SPRY3: variants seen among roughly 807,000 people sequenced by gnomAD.
SPRY3 encodes protein sprouty homolog 3.
A neutral mutation model predicts 20.2 loss-of-function variants in SPRY3; 15 were observed. The observed-to-expected ratio is 0.74, with a 90% CI of 0.50 to 1.14. SPRY3 has a LOEUF of 1.14. Among genes scored for constraint, SPRY3 ranks in the 50% most tolerant of loss-of-function variants. The pLI, the probability that SPRY3 is intolerant of heterozygous loss-of-function variation, is 0.00. For missense variants in SPRY3, 364 were observed against 363.9 expected (o/e 1.00, Z 0.00); for synonymous variants, 143 against 136.5 (o/e 1.05, Z -0.33).
intron 2 of SPRY3, among the ~76,000 whole-genome samples, chrX:155,758,585 G>C (rs1199533664): frequency 1.3e-5 from 2 of 152,172 alleles, no homozygotes; most frequent in Admixed American, 1.3e-4. Context: ...AAGAGCTCCT[G>C]CTGACTTCAA....
intron 1 of SPRY3, among the ~76,000 whole-genome samples, chrX:155,617,926 G>A (rs1377040866): frequency 5.4e-5 from 6 of 111,846 alleles, no homozygotes; most frequent in Non-Finnish European, 7.5e-5. Flanking sequence ...GGGAGACCTC[G>A]TGTACCCTTT....
chrX:155,648,339 G>A lies in SPRY3; in HGVS notation c.-440-8528G>A, dbSNP rs138564786. Among the ~76,000 whole-genome samples, 30 of 112,413 alleles carry A rather than the reference G, an allele frequency of 2.7e-4. No homozygotes were observed. In the East Asian group the frequency reaches 7.0e-3, roughly 26 times the overall value. On this transcript the variant is annotated intron_variant, in intron 1 of 3. Transcript: ENST00000675360. Reference sequence around the variant, plus strand: ...TTTGTCAATGTTGGCTTTTGTTACCGTTGCTTTTGGTGTTTTAGTCATGAA... The same window carrying A: ...TTTGTCAATGTTGGCTTTTGTTACCATTGCTTTTGGTGTTTTAGTCATGAA...
chrX:155,622,019 ATAGGGCCACCTC>A (rs2067872871), intron 1 of SPRY3, among the ~76,000 whole-genome samples: 1 of 106,586 alleles, frequency 9.4e-6, no homozygotes, highest in African/African-American at 3.4e-5. Flanking sequence ...TCTCTGGAGT[ATAGGGCCACCTC>A]CTGTACAGGC....
In SPRY3 at chrX:155,767,069, C is replaced by G. The variant is rs955268979; in HGVS notation, c.-281-893C>G. Among the ~76,000 whole-genome samples, 4 of 152,140 alleles carry G rather than the reference C, an allele frequency of 2.6e-5. No homozygotes were observed. In the East Asian group the frequency reaches 5.8e-4, roughly 22 times the overall value. ...CTTAAAATTGTTACTCTCCACCCCA[C>G]CCCCACGTTCCTTTAAATTTTGTTT... On this transcript the variant is annotated intron_variant, in intron 2 of 3. Coordinates refer to ENST00000675360, the Ensembl canonical transcript of SPRY3.
At chrX:155,767,769 G>GGA (rs1368103699) in intron 2 of SPRY3, 193 bp from the exon 2 acceptor site, 1 of 140,776 alleles carries the variant, frequency 7.1e-6, no homozygotes, top group Non-Finnish European at 1.5e-5. Flanking sequence ...AGGAGGAGGA[G>GGA]GAGAAAGAGG....
chrX:155,727,575 T>C (rs1305247484), intron 2 of SPRY3, among the ~76,000 whole-genome samples: 1 of 152,166 alleles, frequency 6.6e-6, no homozygotes, highest in Non-Finnish European at 1.5e-5. Context: ...TATCCTTTCT[T>C]CCACTTGATC....
chrX:155,688,735 G>A (rs1355684589), intron 2 of SPRY3, among the ~76,000 whole-genome samples: 2 of 105,576 alleles, frequency 1.9e-5, no homozygotes, highest in Non-Finnish European at 3.9e-5. Flanking sequence ...AGGATGTGCA[G>A]GTTTGTTACA....
chrX:155,648,338 C>T (rs2067964588), intron 1 of SPRY3, among the ~76,000 whole-genome samples: 2 of 112,492 alleles, frequency 1.8e-5, no homozygotes, highest in Non-Finnish European at 3.8e-5. Context: ...CTTTTGTTAC[C>T]GTTGCTTTTG....
intron 2 of SPRY3, among the ~76,000 whole-genome samples, chrX:155,709,546 A>G (rs1401089417): frequency 6.6e-6 from 1 of 151,376 alleles, no homozygotes; most frequent in African/African-American, 2.4e-5. Context: ...TGAGCTCCTT[A>G]TTTATTCTGA....
At chrX:155,719,413 G>T (rs2091042040) in intron 2 of SPRY3, among the ~76,000 whole-genome samples, 1 of 152,018 alleles carries the variant, frequency 6.6e-6, no homozygotes, top group Non-Finnish European at 1.5e-5. Flanking sequence ...ACCTCTAGGC[G>T]AGTCCTAGTG....
intron 2 of SPRY3, among the ~76,000 whole-genome samples, chrX:155,713,209 T>C (rs1022075235): frequency 3.9e-5 from 6 of 152,090 alleles, no homozygotes; most frequent in African/African-American, 1.4e-4. Context: ...CGTCATTATT[T>C]ATTCTTTCTA....
intron 2 of SPRY3, among the ~76,000 whole-genome samples, chrX:155,669,124 C>A (rs1295988718): frequency 9.0e-6 from 1 of 110,932 alleles, no homozygotes; most frequent in African/African-American, 3.3e-5. Flanking sequence ...TTCAGCCAAA[C>A]TGATACTATC....
intron 2 of SPRY3, among the ~76,000 whole-genome samples, chrX:155,763,971 G>A (rs1430649254): frequency 6.6e-6 from 1 of 152,130 alleles, no homozygotes; most frequent in East Asian, 1.9e-4. Context: ...ATAACTCAGA[G>A]GTTTCTAAAA....
intron 1 of SPRY3, among the ~76,000 whole-genome samples, chrX:155,620,953 C>G (rs1206334285): frequency 2.7e-5 from 3 of 111,996 alleles, no homozygotes; most frequent in African/African-American, 9.7e-5. Flanking sequence ...ATTCACTGCA[C>G]AACTGGTGTG....
chrX:155,728,295 C>A (rs2091112822), intron 2 of SPRY3, among the ~76,000 whole-genome samples: 1 of 152,190 alleles, frequency 6.6e-6, no homozygotes, highest in Admixed American at 6.5e-5. Flanking sequence ...AGGAGGCGGT[C>A]TGTTTCAGAG....
At chrX:155,653,320 T>C (rs1374508751) in intron 1 of SPRY3, among the ~76,000 whole-genome samples, 1 of 112,194 alleles carries the variant, frequency 8.9e-6, no homozygotes, top group Admixed American at 9.5e-5. Context: ...AACCATTGCC[T>C]GATTCAACAT....
chrX:155,678,809 G>A (rs1469181650), intron 2 of SPRY3, among the ~76,000 whole-genome samples: 1 of 112,041 alleles, frequency 8.9e-6, no homozygotes, highest in Non-Finnish European at 1.9e-5. Context: ...TCTCAGCAAC[G>A]TTTGATTTTG....
At chrX:155,654,021 T>A (rs1569562506) in intron 1 of SPRY3, among the ~76,000 whole-genome samples, 1 of 112,110 alleles carries the variant, frequency 8.9e-6, no homozygotes, top group Non-Finnish European at 1.9e-5. Flanking sequence ...ATACTGTGTA[T>A]ATTCAGATGC....
intron 2 of SPRY3, among the ~76,000 whole-genome samples, chrX:155,695,454 A>AT (rs748905218): frequency 2.3e-4 from 25 of 109,743 alleles, no homozygotes; most frequent in South Asian, 1.5e-3. Context: ...GTGCCTAGGA[A>AT]TTTTTTTTAA....
Sources: allele counts gnomAD v4.1 joint callset (sites outside exome capture counted in the v4.1 genomes callset), GRCh38; gene constraint gnomAD v4.1.1; transcripts MANE v1.5; gene names NCBI Gene and HGNC (gene_info 2026-07-23, HGNC 2026-07-21).